The following FARP1 variants were observed in gnomAD, a reference collection of about 807,000 sequenced individuals.
The protein encoded by FARP1 is FERM, ARH/RhoGEF and pleckstrin domain protein 1.
Under a neutral mutation model 128.8 loss-of-function variants are expected in FARP1, and 52 were observed. The observed-to-expected ratio is 0.40, with a 90% CI of 0.32 to 0.51. The LOEUF (loss-of-function observed/expected upper bound fraction) is 0.51, where lower values mean the gene tolerates loss of function less well. Among genes scored for constraint, FARP1 ranks in the 20% least tolerant of loss-of-function variants. The pLI, the probability that FARP1 is intolerant of heterozygous loss-of-function variation, is 0.45. For synonymous variants in FARP1, 580 were observed against 551.8 expected, an observed-to-expected ratio of 1.05 and a Z score of -0.72; for missense variants, 1,333 against 1,367.9, an observed-to-expected ratio of 0.97 and a Z score of 0.40.
At chr13:98,399,583 A>G (rs1165121498) in intron 13 of FARP1, 1 of 152,194 alleles carries the variant, frequency 6.6e-6, no homozygotes, top group African/African-American at 2.4e-5. Context: ...CAGATTTCCA[A>G]AGGGTTTCCT....
intron 1 of FARP1, among the ~76,000 whole-genome samples, chr13:98,148,869 T>C (rs1001467906): frequency 2.0e-5 from 3 of 152,076 alleles, no homozygotes; most frequent in Non-Finnish European, 4.4e-5. Context: ...ATGACATGTC[T>C]AGGTATTTCT....
At position 98,239,372 on chromosome 13, in the gene FARP1, G is replaced by A. The variant is rs563269433; in HGVS notation, c.171+25959G>A. On this transcript the variant is annotated intron_variant, in intron 2 of 26. Coordinates refer to ENST00000319562, the MANE Select transcript of FARP1 (RefSeq NM_005766.4). ...ACTGGCTCCACTGCCCCTTTATTGC[G>A]TGCTTGCAATTGGAGCTCTTTGGGC... Among the ~76,000 whole-genome samples, 98 of 152,298 alleles carry A rather than the reference G, an allele frequency of 6.4e-4. No individual in the cohort carries two copies. The South Asian group carries it at 0.015, about 24-fold the overall frequency.
chr13:98,341,355 T>C lies in FARP1; in HGVS notation c.172-2407T>C, dbSNP rs9584804. On this transcript the variant is annotated intron_variant, in intron 2 of 26. Transcript: ENST00000319562. ...AAGTATAAAACAAGTAACTGTGGGC[T>C]GGGTGCAGTAGCTCACACCTGTAAT... 6.1e-3 allele frequency among the ~76,000 whole-genome samples: 931 copies of C among 152,198 alleles called. 12 individuals are homozygous for C. The highest frequency in any genetic ancestry group is 0.021 in the African/African-American group (885 of 41,542).
rs772229705 is a variant in FARP1 at position 98,390,911 on chromosome 13, T to A, written c.1088+31T>A. On this transcript the variant is annotated intron_variant, in intron 11 of 26. Coordinates refer to ENST00000319562, the MANE Select transcript of FARP1 (RefSeq NM_005766.4). ...AGAAGCTTCAATGCTACTTCCAGTC[T>A]GAGAAGGCTCAGACTCGCCAGGTAA... 4 of 1,500,312 alleles carry A rather than the reference T, an allele frequency of 2.7e-6. No individual in the cohort carries two copies. In the East Asian group the frequency reaches 9.0e-5, roughly 34 times the overall value. The allele number at this position is 1,500,312 out of a possible 1,614,324, so 92.9% of individuals were successfully genotyped here.
chr13:98,440,025 C>T lies in FARP1; in HGVS notation c.2498C>T (p.Ser833Phe), dbSNP rs1312919850. Reference sequence around the variant, plus strand: ...CTGACCCTCCGGGGCCAGCGGCAGTCCATCATCGTGGCCGCCAGGTAACTC... The same window carrying T: ...CTGACCCTCCGGGGCCAGCGGCAGTTCATCATCGTGGCCGCCAGGTAACTC... ...HCLTLRGQRQSIIVAASSRSE... is the reference protein window; with the variant it reads ...HCLTLRGQRQFIIVAASSRSE... Residue 833 changes from serine to phenylalanine, a missense_variant, in exon 22 of 27, where the codon TCC becomes TTC. This residue lies in a region of FARP1 where 1,009 missense variants were observed against 969.8 expected (regional missense o/e 1.04). Coordinates refer to ENST00000319562, the MANE Select transcript of FARP1 (RefSeq NM_005766.4). 1.9e-6 allele frequency: 3 copies of T among 1,606,420 alleles called. No individual in the cohort carries two copies. The highest frequency in any genetic ancestry group is 2.6e-6 in the Non-Finnish European group (3 of 1,174,356).
intron 2 of FARP1, among the ~76,000 whole-genome samples, chr13:98,254,424 A>G (rs1255891787): frequency 6.6e-6 from 1 of 152,190 alleles, no homozygotes; most frequent in Admixed American, 6.5e-5. Flanking sequence ...CTGCAAAATG[A>G]CTAGATAACA....
At chr13:98,244,764 G>A in intron 2 of FARP1, 1 of 1,597,784 alleles carries the variant, frequency 6.3e-7, no homozygotes, top group Non-Finnish European at 8.5e-7. Flanking sequence ...GATTGGCAAT[G>A]GCCAGAGTTA....
chr13:98,168,064 T>G (rs1254258197), intron 1 of FARP1, among the ~76,000 whole-genome samples: 1 of 151,526 alleles, frequency 6.6e-6, no homozygotes, highest in African/African-American at 2.4e-5. Flanking sequence ...CCCAGCTACT[T>G]GGGAGGCTGA....
intron 5 of FARP1, among the ~76,000 whole-genome samples, chr13:98,377,184 C>T: frequency 6.6e-6 from 1 of 151,812 alleles, no homozygotes; most frequent in East Asian, 1.9e-4. Context: ...CACCTGTAGT[C>T]CCAGCTACTC....
intron 2 of FARP1, among the ~76,000 whole-genome samples, chr13:98,336,923 C>G (rs1464671527): frequency 6.6e-6 from 1 of 152,168 alleles, no homozygotes; most frequent in Non-Finnish European, 1.5e-5. Context: ...CAAAATAGAA[C>G]ATTATAGTGA....
intron 2 of FARP1, among the ~76,000 whole-genome samples, chr13:98,229,124 C>T (rs564240122): frequency 1.3e-5 from 2 of 152,318 alleles, no homozygotes; most frequent in African/African-American, 2.4e-5. Context: ...CAGAGAGCTG[C>T]CAAGACATAG....
At chr13:98,246,087 CTTTTTTT>C (rs56274534) in intron 2 of FARP1, among the ~76,000 whole-genome samples, 5 of 36,882 alleles carry the variant, frequency 1.4e-4, no homozygotes, top group Non-Finnish European at 1.7e-4. Flanking sequence ...GAGATAAATT[CTTTTTTT>C]TTTTTTTTTT....
At chr13:98,160,368 G>A (rs549317571) in intron 1 of FARP1, among the ~76,000 whole-genome samples, 1 of 152,288 alleles carries the variant, frequency 6.6e-6, no homozygotes, top group East Asian at 1.9e-4. Flanking sequence ...GCTACTGGAT[G>A]ACTTGGGTAG....
At chr13:98,339,773 G>A (rs9584803) in intron 2 of FARP1, among the ~76,000 whole-genome samples, 8,294 of 152,202 alleles carry the variant, frequency 0.054, 779 homozygotes, top group African/African-American at 0.19. Flanking sequence ...AATTTTAACA[G>A]TTTTAAGGAT....
At chr13:98,291,881 T>A (rs1885466160) in intron 2 of FARP1, among the ~76,000 whole-genome samples, 1 of 152,188 alleles carries the variant, frequency 6.6e-6, no homozygotes, top group African/African-American at 2.4e-5. Context: ...TTCCCCTGCA[T>A]TTTCTTGGAG....
At chr13:98,447,646 G>A (rs1892935681) in intron 26 of FARP1, 1 of 153,436 alleles carries the variant, frequency 6.5e-6, no homozygotes, top group Non-Finnish European at 1.4e-5. Context: ...GGACAGCATT[G>A]CACCCATTTG....
rs548512573 is a variant in FARP1 at position 98,302,598 on chromosome 13, C to CT, written c.172-41163dup. Among the ~76,000 whole-genome samples, 183 of 152,310 alleles carry CT rather than the reference C, an allele frequency of 1.2e-3. 1 individual carries two copies. The highest frequency in any genetic ancestry group is 4.4e-3 in the African/African-American group (181 of 41,556). On this transcript the variant is annotated intron_variant, in intron 2 of 26. Transcript: ENST00000319562. ...GTCTGGGCATTTGAGGAATTTTTAC[C>CT]TATAACATCGTTGTCTGGAGAGATC...
chr13:98,158,320 C>T (rs1876634729), intron 1 of FARP1, among the ~76,000 whole-genome samples: 1 of 152,168 alleles, frequency 6.6e-6, no homozygotes, highest in Non-Finnish European at 1.5e-5. Flanking sequence ...TCATGTAAGA[C>T]ATACTTTGGC....
rs76109926 is a variant in FARP1 at position 98,156,228 on chromosome 13, C to T, written c.-24+12736C>T. Among the ~76,000 whole-genome samples, 61 of 152,182 alleles carry T rather than the reference C, an allele frequency of 4.0e-4. No homozygotes were observed. The East Asian group carries it at 8.5e-3, about 21-fold the overall frequency. On this transcript the variant is annotated intron_variant, in intron 1 of 26. Coordinates refer to ENST00000319562, the MANE Select transcript of FARP1 (RefSeq NM_005766.4). ...AATTTGTTTTGAGAATGACAGATAACGTATAAAAACATACTCTCTGGCAAT... is the reference window on the plus strand; with the variant it reads ...AATTTGTTTTGAGAATGACAGATAATGTATAAAAACATACTCTCTGGCAAT...
Sources: gnomAD v4.1 joint callset for allele counts (sites outside exome capture counted in the v4.1 genomes callset) on GRCh38, gnomAD v4.1.1 for gene constraint, gnomAD v4.1.1 regional missense constraint, MANE v1.5 for transcripts, NCBI Gene and HGNC (gene_info 2026-07-23, HGNC 2026-07-21) for gene names.